PHLPP1: variants seen among roughly 807,000 people sequenced by gnomAD.
PHLPP1 encodes PH domain and leucine rich repeat protein phosphatase 1, also known as PH domain leucine-rich repeat-containing protein phosphatase 1.
A neutral mutation model predicts 117.2 loss-of-function variants in PHLPP1; 42 were observed. The ratio of observed to expected loss-of-function variants is 0.36; its 90% confidence interval spans 0.28 to 0.46. The LOEUF is 0.46. Among genes scored for constraint, PHLPP1 ranks in the 20% least tolerant of loss-of-function variants. PHLPP1 has a pLI of 1.00. For missense variants in PHLPP1, 2,084 were observed against 2,241.9 expected, an observed-to-expected ratio of 0.93 and a Z score of 1.42; for synonymous variants, 1,042 against 970.7, an observed-to-expected ratio of 1.07 and a Z score of -1.37.
Position 62,870,726 on chromosome 18 carries a change from T to C in PHLPP1, c.2066+10125T>C, listed in dbSNP as rs1183836532. ...AATTTTTCTTTCTACTACAAATTTT[T>C]ACCTTTAACAAATGAGCTATTTTCA... On this transcript the variant is annotated intron_variant, in intron 4 of 16. Coordinates refer to ENST00000262719, the MANE Select transcript of PHLPP1 (RefSeq NM_194449.4). Among the ~76,000 whole-genome samples the C allele has an allele frequency of 3.5e-4, 53 of 152,250 alleles. 1 individual carries two copies. Among genetic ancestry groups the C allele is most frequent in the Non-Finnish European group, 7.3e-5 (5 of 68,040 alleles).
intron 1 of PHLPP1, among the ~76,000 whole-genome samples, chr18:62,721,153 T>G (rs561282245): frequency 3.8e-4 from 58 of 152,254 alleles, no homozygotes; most frequent in Admixed American, 5.9e-4. Flanking sequence ...TGGTATTTCT[T>G]GTGAAATGTG....
intron 4 of PHLPP1, among the ~76,000 whole-genome samples, chr18:62,866,878 ACCC>A (rs1006008146): frequency 2.5e-4 from 38 of 151,188 alleles, no homozygotes; most frequent in African/African-American, 9.2e-4. Flanking sequence ...TACTGCACAC[ACCC>A]TCTCTCCCCA....
At chr18:62,948,249 C>T (rs900230323) in intron 12 of PHLPP1, among the ~76,000 whole-genome samples, 3 of 151,512 alleles carry the variant, frequency 2.0e-5, no homozygotes, top group South Asian at 2.1e-4. Flanking sequence ...CACTTGAACC[C>T]GAGAGGGGGA....
At chr18:62,843,206 G>T (rs1299769992) in intron 3 of PHLPP1, 1 of 152,092 alleles carries the variant, frequency 6.6e-6, no homozygotes, top group East Asian at 1.9e-4. Flanking sequence ...TTTAGATAAG[G>T]ATTCATTTTG....
At chr18:62,800,908 G>T (rs1309749126) in intron 1 of PHLPP1, among the ~76,000 whole-genome samples, 12 of 152,044 alleles carry the variant, frequency 7.9e-5, no homozygotes, top group Admixed American at 7.9e-4. Flanking sequence ...GAGAAGTTCA[G>T]CTGAAATCCA....
At chr18:62,884,951 A>AT in intron 4 of PHLPP1, among the ~76,000 whole-genome samples, 1 of 152,320 alleles carries the variant, frequency 6.6e-6, no homozygotes, top group Non-Finnish European at 1.5e-5. Context: ...AGACTTAGAT[A>AT]TATCTAAAGC....
At chr18:62,719,309 G>A (rs1173667410) in intron 1 of PHLPP1, among the ~76,000 whole-genome samples, 1 of 152,178 alleles carries the variant, frequency 6.6e-6, no homozygotes, top group African/African-American at 2.4e-5. Context: ...AAGCAAAGTT[G>A]AGCTTATTTT....
At chr18:62,834,974 AAC>A (rs1187755399) in intron 2 of PHLPP1, among the ~76,000 whole-genome samples, 2 of 152,114 alleles carry the variant, frequency 1.3e-5, no homozygotes, top group African/African-American at 2.4e-5. Flanking sequence ...GGTTTATAGA[AAC>A]ACAGTTGGTT....
chr18:62,801,370 A>G (rs1316850945), intron 1 of PHLPP1, among the ~76,000 whole-genome samples: 1 of 150,930 alleles, frequency 6.6e-6, no homozygotes, highest in Non-Finnish European at 1.5e-5. Flanking sequence ...TGTTCTGAGT[A>G]ATTAATTTTT....
intron 1 of PHLPP1, among the ~76,000 whole-genome samples, chr18:62,766,209 C>T (rs1406937630): frequency 2.7e-5 from 4 of 147,444 alleles, no homozygotes; most frequent in Admixed American, 6.8e-5. Context: ...GCAAGTTCAA[C>T]GTGTGGGAAC....
chr18:62,935,168 G>T lies in PHLPP1; in HGVS notation c.2961-6550G>T, dbSNP rs146203684. ...CTGATAAATGAATTCAGACAACAAA[G>T]TATTTCAACAAAGTAGCAGGGATAT... On this transcript the variant is annotated intron_variant, in intron 10 of 16. Coordinates refer to ENST00000262719, the MANE Select transcript of PHLPP1 (RefSeq NM_194449.4). 4.6e-5 allele frequency among the ~76,000 whole-genome samples: 7 copies of T among 152,248 alleles called. No individual in the cohort carries two copies. The East Asian group carries it at 1.3e-3, about 29-fold the overall frequency.
intron 6 of PHLPP1, among the ~76,000 whole-genome samples, chr18:62,900,109 C>T (rs1169322027): frequency 5.9e-5 from 9 of 151,834 alleles, no homozygotes; most frequent in Non-Finnish European, 1.2e-4. Context: ...CCAGCCTGGC[C>T]AACATGGCAA....
intron 14 of PHLPP1, among the ~76,000 whole-genome samples, chr18:62,965,804 AAAGAAATGCT>A (rs1322366828): frequency 6.6e-6 from 1 of 151,322 alleles, no homozygotes; most frequent in Non-Finnish European, 1.5e-5. Context: ...CTTCACCAGA[AAAGAAATGCT>A]AAGAATGATC....
In PHLPP1 at chr18:62,979,713, A is replaced by G. The variant is rs569797056; in HGVS notation, c.*282A>G. 3 of 381,580 alleles carry G rather than the reference A, an allele frequency of 7.9e-6. No homozygotes were observed. The highest frequency in any genetic ancestry group is 6.2e-5 in the African/African-American group (3 of 48,662). The allele number at this position is 381,580 out of a possible 1,614,324, so 23.6% of individuals were successfully genotyped here. A position where few individuals can be genotyped will look rare whatever the true frequency, so the allele number is the denominator to read the frequency against. ...CAAAGAACAAAAGGTTTAATATATT[A>G]CAGAGAAACAGTTAATGATAATGTA... On this transcript the variant is annotated 3_prime_UTR_variant, in exon 17 of 17. Coordinates refer to ENST00000262719, the MANE Select transcript of PHLPP1 (RefSeq NM_194449.4).
At position 62,874,651 on chromosome 18, in the gene PHLPP1, A is replaced by ATG. The variant is rs1568146174; in HGVS notation, c.2066+14050_2066+14051insTG. 9.7e-5 allele frequency among the ~76,000 whole-genome samples: 13 copies of ATG among 134,210 alleles called. No homozygotes were observed. In the East Asian group the frequency reaches 2.6e-3, roughly 27 times the overall value. 88.0% of individuals were successfully genotyped at this position (134,210 alleles called of 152,430 possible). On this transcript the variant is annotated intron_variant, in intron 4 of 16. Transcript: ENST00000262719. ...GCATCCCATCACAGGGCGCGCACGC[A>ATG]CGCGCGCACACACACACACACACAC...
At chr18:62,848,612 C>T (rs530435218) in intron 3 of PHLPP1, among the ~76,000 whole-genome samples, 4 of 151,850 alleles carry the variant, frequency 2.6e-5, no homozygotes, top group South Asian at 2.1e-4. Flanking sequence ...CACAGGCATG[C>T]GCCACCACTC....
chr18:62,930,807 C>A lies in PHLPP1; in HGVS notation c.2960+10693C>A, dbSNP rs577238585. ...TGCTCAGTCATAAAGCAAGCCTCAA[C>A]AAATTCAAAAAATTGAAATCCTGTC... On this transcript the variant is annotated intron_variant, in intron 10 of 16. Coordinates refer to ENST00000262719, the MANE Select transcript of PHLPP1 (RefSeq NM_194449.4). 2.6e-5 allele frequency among the ~76,000 whole-genome samples: 4 copies of A among 152,296 alleles called. No homozygotes were observed. In the South Asian group the frequency reaches 8.3e-4, roughly 32 times the overall value.
chr18:62,903,308 A>G lies in PHLPP1; in HGVS notation c.2647+142A>G, dbSNP rs1916770771. The G allele has an allele frequency of 1.6e-5, 10 of 634,870 alleles. No homozygotes were observed. In the South Asian group the frequency reaches 2.2e-4, roughly 14 times the overall value. The allele number at this position is 634,870 out of a possible 1,614,324, so 39.3% of individuals were successfully genotyped here. ...TGCTAAAATAAAAGTCACAAAAGAA[A>G]AATGCTGACTTATTGTTTAAAGGAC... On this transcript the variant is annotated intron_variant, in intron 7 of 16. Transcript: ENST00000262719.
chr18:62,955,289 T>C (rs1179897379), intron 12 of PHLPP1, among the ~76,000 whole-genome samples: 8 of 152,102 alleles, frequency 5.3e-5, no homozygotes, highest in Non-Finnish European at 1.0e-4. Context: ...TGGGGATGCC[T>C]TGTTGGACAT....
Sources: gnomAD v4.1 joint callset for allele counts (sites outside exome capture counted in the v4.1 genomes callset) on GRCh38, gnomAD v4.1.1 for gene constraint, MANE v1.5 for transcripts, NCBI Gene and HGNC (gene_info 2026-07-23, HGNC 2026-07-21) for gene names.